The following RALGAPA1 variants were observed in gnomAD, a reference collection of about 807,000 sequenced individuals.
RALGAPA1 encodes Ral GTPase activating protein catalytic subunit alpha 1, also known as ral GTPase-activating protein subunit alpha-1.
RALGAPA1 carries 52 observed loss-of-function variants against 269.6 expected under a neutral mutation model. The ratio of observed to expected loss-of-function variants is 0.19; its 90% CI spans 0.15 to 0.24. RALGAPA1 has a LOEUF of 0.24. Among genes scored for constraint, RALGAPA1 ranks in the 10% least tolerant of loss-of-function variants. The pLI, the probability that RALGAPA1 is intolerant of heterozygous loss-of-function variation, is 1.00. For synonymous variants in RALGAPA1, 817 were observed against 1,008.3 expected (o/e 0.81, Z 3.60); for missense variants, 1,917 against 3,013.9 (o/e 0.64, Z 8.52).
intron 16 of RALGAPA1, among the ~76,000 whole-genome samples, chr14:35,720,900 C>G (rs2069352601): frequency 6.6e-6 from 1 of 152,116 alleles, no homozygotes; most frequent in African/African-American, 2.4e-5. Context: ...ACAAAGGCAA[C>G]AGAGCGAGAT....
chr14:35,769,307 G>C (rs2074444330), intron 4 of RALGAPA1, among the ~76,000 whole-genome samples: 1 of 151,850 alleles, frequency 6.6e-6, no homozygotes, highest in African/African-American at 2.4e-5. Context: ...TAGCAACATG[G>C]ATACAGCTGG....
At chr14:35,701,324 T>C (rs148103879) in intron 16 of RALGAPA1, among the ~76,000 whole-genome samples, 8 of 152,326 alleles carry the variant, frequency 5.3e-5, no homozygotes, top group African/African-American at 1.7e-4. Context: ...AATAAATAGT[T>C]TGAATATTAA....
intron 33 of RALGAPA1, among the ~76,000 whole-genome samples, chr14:35,631,012 T>C (rs2061328009): frequency 1.3e-5 from 2 of 152,198 alleles, no homozygotes; most frequent in South Asian, 4.1e-4. Flanking sequence ...ATTCAATCCT[T>C]CATTTTTAAG....
At chr14:35,606,782 C>G (rs753294924) in intron 35 of RALGAPA1, among the ~76,000 whole-genome samples, 1 of 148,050 alleles carries the variant, frequency 6.8e-6, no homozygotes, top group Non-Finnish European at 1.5e-5. Flanking sequence ...CCTGCAACAA[C>G]AAGTAAATAA....
intron 22 of RALGAPA1, among the ~76,000 whole-genome samples, chr14:35,675,299 C>T (rs2064847387): frequency 6.6e-6 from 1 of 152,132 alleles, no homozygotes; most frequent in African/African-American, 2.4e-5. Flanking sequence ...CCTCAGCCTC[C>T]CAAGTAGCTG....
intron 1 of RALGAPA1, among the ~76,000 whole-genome samples, chr14:35,796,916 T>C (rs1479089736): frequency 6.6e-6 from 1 of 151,884 alleles, no homozygotes; most frequent in East Asian, 2.0e-4. Context: ...GCCACCTGAG[T>C]AGCTGGGACT....
chr14:35,786,725 C>T (rs537294204), intron 1 of RALGAPA1, among the ~76,000 whole-genome samples: 13 of 152,114 alleles, frequency 8.5e-5, no homozygotes, highest in Non-Finnish European at 1.2e-4. Flanking sequence ...GCTATTAAAT[C>T]GAAATTTTAA....
chr14:35,700,870 C>G (rs2067285075), intron 16 of RALGAPA1, among the ~76,000 whole-genome samples: 1 of 152,070 alleles, frequency 6.6e-6, no homozygotes, highest in Non-Finnish European at 1.5e-5. Context: ...GTATGTGTTT[C>G]TGGTAAGAGG....
intron 26 of RALGAPA1, among the ~76,000 whole-genome samples, chr14:35,667,120 G>A (rs1336725126): frequency 6.6e-6 from 1 of 152,126 alleles, no homozygotes; most frequent in Non-Finnish European, 1.5e-5. Flanking sequence ...ACTTAACTGT[G>A]GCCAGGCGCG....
At chr14:35,670,749 C>A (rs1010343864) in intron 26 of RALGAPA1, among the ~76,000 whole-genome samples, 1 of 152,038 alleles carries the variant, frequency 6.6e-6, no homozygotes, top group Admixed American at 6.6e-5. Flanking sequence ...ATGGTGAAAC[C>A]CCGTCACTAC....
At chr14:35,793,701 C>T (rs920275045) in intron 1 of RALGAPA1, among the ~76,000 whole-genome samples, 1 of 152,144 alleles carries the variant, frequency 6.6e-6, no homozygotes, top group Non-Finnish European at 1.5e-5. Flanking sequence ...AAGCTTGTAA[C>T]CCAACACATT....
At chr14:35,684,554 G>A (rs2065752974) in intron 20 of RALGAPA1, among the ~76,000 whole-genome samples, 1 of 152,064 alleles carries the variant, frequency 6.6e-6, no homozygotes, top group Non-Finnish European at 1.5e-5. Context: ...TTTTAAGAAG[G>A]GATCACATTT....
Position 35,803,401 on chromosome 14 carries a change from A to G in RALGAPA1, c.106+5329T>C, listed in dbSNP as rs530463548. 8.1e-4 allele frequency among the ~76,000 whole-genome samples: 124 copies of G among 152,318 alleles called. 1 individual carries two copies. The highest frequency in any genetic ancestry group is 2.9e-3 in the African/African-American group (119 of 41,578). ...TAAAACTTCTAGAAAAAAGCATAGA[A>G]GAAAATCTTTGTGATCATGGGTTAG... On this transcript the variant is annotated intron_variant, in intron 1 of 41. Transcript: ENST00000680220.
At chr14:35,662,433 T>A (rs918854442) in intron 27 of RALGAPA1, among the ~76,000 whole-genome samples, 1 of 152,232 alleles carries the variant, frequency 6.6e-6, no homozygotes, top group African/African-American at 2.4e-5. Context: ...GGTGTGTAAC[T>A]TCCCCTTTAA....
chr14:35,742,717 G>T, intron 10 of RALGAPA1, 152 bp from the exon 11 acceptor site: 1 of 595,260 alleles, frequency 1.7e-6, no homozygotes, highest in Non-Finnish European at 3.0e-6. Flanking sequence ...TTTGCCATAA[G>T]CTAATTGATA....
chr14:35,771,822 C>A (rs2074651285), intron 3 of RALGAPA1, among the ~76,000 whole-genome samples: 1 of 152,056 alleles, frequency 6.6e-6, no homozygotes, highest in Non-Finnish European at 1.5e-5. Flanking sequence ...AGGCACACAC[C>A]ACTATGTCTA....
At chr14:35,641,294 C>T (rs1458994245) in intron 31 of RALGAPA1, among the ~76,000 whole-genome samples, 1 of 152,144 alleles carries the variant, frequency 6.6e-6, no homozygotes, top group Non-Finnish European at 1.5e-5. Flanking sequence ...GAAAGGAAGA[C>T]ATCAAATTAT....
intron 1 of RALGAPA1, chr14:35,807,691 T>C (rs2077472233): frequency 6.6e-6 from 1 of 152,228 alleles, no homozygotes; most frequent in Non-Finnish European, 1.5e-5. Context: ...CATAGAAATG[T>C]TGGGTAATAT....
In RALGAPA1 at chr14:35,783,685, T is replaced by C. The variant is rs958923639; in HGVS notation, c.107-7940A>G. 2.6e-5 allele frequency among the ~76,000 whole-genome samples: 4 copies of C among 152,276 alleles called. No homozygotes were observed. The South Asian group carries it at 6.2e-4, about 24-fold the overall frequency. Reference sequence around the variant, plus strand: ...AATTATATACCTGATTTTAAAACATTAGTCTCCAGAATATAGAAAGAATTC... The same window carrying C: ...AATTATATACCTGATTTTAAAACATCAGTCTCCAGAATATAGAAAGAATTC... On this transcript the variant is annotated intron_variant, in intron 1 of 41. Coordinates refer to ENST00000680220, the MANE Select transcript of RALGAPA1 (RefSeq NM_001346249.2).
Sources: gnomAD v4.1 joint callset for allele counts (sites outside exome capture counted in the v4.1 genomes callset) on GRCh38, gnomAD v4.1.1 for gene constraint, MANE v1.5 for transcripts, NCBI Gene and HGNC (gene_info 2026-07-23, HGNC 2026-07-21) for gene names.